The following MBNL1 variants were observed in gnomAD, a reference collection of about 807,000 sequenced individuals.
MBNL1 encodes the protein muscleblind-like protein 1.
MBNL1 carries 8 observed loss-of-function variants against 42.2 expected under a neutral mutation model. That is an observed-to-expected ratio of 0.19 (90% CI 0.11 to 0.34). The LOEUF (loss-of-function observed/expected upper bound fraction) is 0.34, where lower values mean the gene tolerates loss of function less well. Among genes scored for constraint, MBNL1 ranks in the 10% least tolerant of loss-of-function variants. MBNL1 has a pLI of 1.00. For synonymous variants in MBNL1, 169 were observed against 173.9 expected, an observed-to-expected ratio of 0.97 and a Z score of 0.22; for missense variants, 309 against 495.3, an observed-to-expected ratio of 0.62 and a Z score of 3.57.
Position 152,372,877 on chromosome 3 carries a change from G to A in MBNL1, c.175-42064G>A, listed in dbSNP as rs188727125. On this transcript the variant is annotated intron_variant, in intron 2 of 9. Transcript: ENST00000324210. ...AGAGCTGGCAGGCAGGAACATTTACGTCTGCTGAAGCTGCACCCACAGCCG... is the reference window on the plus strand; with the variant it reads ...AGAGCTGGCAGGCAGGAACATTTACATCTGCTGAAGCTGCACCCACAGCCG... Among the ~76,000 whole-genome samples the A allele has an allele frequency of 2.4e-4, 36 of 152,288 alleles. No individual in the cohort carries two copies. In the East Asian group the frequency reaches 4.8e-3, roughly 20 times the overall value.
intron 4 of MBNL1, 27 bp downstream of exon 4, chr3:152,432,947 T>TAATAA: frequency 6.4e-7 from 1 of 1,569,832 alleles, no homozygotes; most frequent in Middle Eastern, 1.7e-4. Context: ...GGTGTCTTTA[T>TAATAA]ATACTACATT....
intron 2 of MBNL1, among the ~76,000 whole-genome samples, chr3:152,303,935 TTTTA>T (rs1163437812): frequency 8.5e-5 from 13 of 152,192 alleles, no homozygotes; most frequent in Admixed American, 5.9e-4. Context: ...AATTGAGCCA[TTTTA>T]TTTAAGATAA....
At chr3:152,370,406 T>C (rs1395712477) in intron 2 of MBNL1, among the ~76,000 whole-genome samples, 2 of 152,132 alleles carry the variant, frequency 1.3e-5, no homozygotes, top group Non-Finnish European at 2.9e-5. Flanking sequence ...CTGAGGAGTG[T>C]TTTACTTCCA....
intron 2 of MBNL1, chr3:152,335,054 T>C: frequency 8.1e-7 from 1 of 1,241,322 alleles, no homozygotes. Flanking sequence ...CTGCTGCTAA[T>C]ATTGCTGGGA....
At chr3:152,284,277 C>T (rs2050265062) in intron 1 of MBNL1, among the ~76,000 whole-genome samples, 1 of 152,016 alleles carries the variant, frequency 6.6e-6, no homozygotes, top group Non-Finnish European at 1.5e-5. Context: ...TAGAGAAACA[C>T]ACTCCTGTAA....
chr3:152,444,095 T>C (rs1276307116), intron 4 of MBNL1, among the ~76,000 whole-genome samples: 1 of 152,208 alleles, frequency 6.6e-6, no homozygotes, highest in African/African-American at 2.4e-5. Context: ...CTTGCTTAAC[T>C]TCAAAATAAA....
rs537841055 is a variant in MBNL1 at position 152,422,045 on chromosome 3, G to A, written c.345+6934G>A. On this transcript the variant is annotated intron_variant, in intron 3 of 9. Transcript: ENST00000324210. ...AACTAATAGGCAAAATAACCAGCTA[G>A]CATCATAATGACAGGATCAAATTCA... 1.3e-5 allele frequency among the ~76,000 whole-genome samples: 2 copies of A among 151,824 alleles called. 1 individual carries two copies. The highest frequency in any genetic ancestry group is 4.8e-5 in the African/African-American group (2 of 41,404).
At chr3:152,420,511 C>A (rs1380942654) in intron 3 of MBNL1, among the ~76,000 whole-genome samples, 3 of 152,192 alleles carry the variant, frequency 2.0e-5, no homozygotes, top group African/African-American at 7.2e-5. Context: ...CTCCAGCAGA[C>A]CTGCAGCAGA....
chr3:152,388,618 T>G (rs1023914807), intron 2 of MBNL1, among the ~76,000 whole-genome samples: 1 of 152,176 alleles, frequency 6.6e-6, no homozygotes, highest in Non-Finnish European at 1.5e-5. Flanking sequence ...TTTCCGACTT[T>G]GAGGAGGTAT....
intron 5 of MBNL1, 57 bp from the exon 6 acceptor site, chr3:152,447,563 C>A: frequency 7.5e-7 from 1 of 1,337,946 alleles, no homozygotes; most frequent in East Asian, 3.0e-5. Context: ...ACTGATTTTT[C>A]TTTTTTCTTT....
chr3:152,391,128 G>A (rs1440648637), intron 2 of MBNL1, among the ~76,000 whole-genome samples: 1 of 152,172 alleles, frequency 6.6e-6, no homozygotes, highest in Non-Finnish European at 1.5e-5. Context: ...AGGATTAAGT[G>A]CTATGTACAA....
chr3:152,369,657 A>G (rs1416542283), intron 2 of MBNL1, among the ~76,000 whole-genome samples: 2 of 151,782 alleles, frequency 1.3e-5, no homozygotes, highest in Non-Finnish European at 2.9e-5. Flanking sequence ...TTTTTGGTTG[A>G]TAGGCTCTTA....
intron 2 of MBNL1, among the ~76,000 whole-genome samples, chr3:152,255,827 G>A (rs2035369041): frequency 6.6e-6 from 1 of 152,148 alleles, no homozygotes; most frequent in Non-Finnish European, 1.5e-5. Flanking sequence ...TGAACAGTGA[G>A]AGGATTGAGA....
chr3:152,420,951 C>T (rs371446278), intron 3 of MBNL1, among the ~76,000 whole-genome samples: 3 of 152,102 alleles, frequency 2.0e-5, no homozygotes, highest in African/African-American at 4.8e-5. Flanking sequence ...AAAAACACAG[C>T]ATGAGAAGTT....
At chr3:152,372,756 C>T (rs974254842) in intron 2 of MBNL1, among the ~76,000 whole-genome samples, 2 of 152,208 alleles carry the variant, frequency 1.3e-5, no homozygotes, top group Non-Finnish European at 2.9e-5. Context: ...AGGTGTCTCC[C>T]AGTCAGGAGG....
chr3:152,399,469 T>G (rs1277700910), intron 2 of MBNL1, among the ~76,000 whole-genome samples: 3 of 152,194 alleles, frequency 2.0e-5, no homozygotes, highest in African/African-American at 7.2e-5. Flanking sequence ...GTAGGTATAC[T>G]CTGTTATTAT....
At chr3:152,382,298 C>T (rs984419003) in intron 2 of MBNL1, among the ~76,000 whole-genome samples, 3 of 151,958 alleles carry the variant, frequency 2.0e-5, no homozygotes, top group African/African-American at 4.8e-5. Context: ...TTCCTAAAAT[C>T]GTAATGTAAA....
chr3:152,326,109 A>T (rs1248515578), intron 2 of MBNL1, among the ~76,000 whole-genome samples: 2 of 152,146 alleles, frequency 1.3e-5, no homozygotes, highest in Non-Finnish European at 2.9e-5. Context: ...TTCCAAATCT[A>T]TGAAAATTGA....
intron 1 of MBNL1, among the ~76,000 whole-genome samples, chr3:152,293,909 TC>T (rs2057335445): frequency 6.6e-6 from 1 of 152,108 alleles, no homozygotes; most frequent in African/African-American, 2.4e-5. Flanking sequence ...CTCTTTATCT[TC>T]TATAGCAGTA....
Sources: allele counts gnomAD v4.1 joint callset (sites outside exome capture counted in the v4.1 genomes callset), GRCh38; gene constraint gnomAD v4.1.1; transcripts MANE v1.5; gene names NCBI Gene and HGNC (gene_info 2026-07-23, HGNC 2026-07-21).